The following PDE7B variants were observed in gnomAD, a reference collection of about 807,000 sequenced individuals.
PDE7B encodes phosphodiesterase 7B, also known as 3',5'-cyclic-AMP phosphodiesterase 7B.
In PDE7B, 29 loss-of-function variants were observed where a neutral mutation model predicts 56.2. The ratio of observed to expected loss-of-function variants is 0.52; its 90% CI spans 0.38 to 0.70. The LOEUF (loss-of-function observed/expected upper bound fraction) is 0.70, where lower values mean the gene tolerates loss of function less well. PDE7B is among the 30% of genes least tolerant of loss of function. The pLI is 0.00. For missense variants in PDE7B, 490 were observed against 565.0 expected, an observed-to-expected ratio of 0.87 and a Z score of 1.35; for synonymous variants, 197 against 196.9, an observed-to-expected ratio of 1.00 and a Z score of 0.00.
At chr6:136,100,181 G>A (rs1260804219) in intron 2 of PDE7B, among the ~76,000 whole-genome samples, 1 of 152,174 alleles carries the variant, frequency 6.6e-6, no homozygotes, top group Non-Finnish European at 1.5e-5. Flanking sequence ...CTGTAGCCTT[G>A]TAGTATAGTT....
chr6:136,012,409 G>C (rs1330904867), intron 2 of PDE7B, among the ~76,000 whole-genome samples: 1 of 152,204 alleles, frequency 6.6e-6, no homozygotes, highest in Non-Finnish European at 1.5e-5. Context: ...TCAGCCTAGA[G>C]TTATGGAGCT....
At chr6:135,961,019 A>G (rs1013140967) in intron 2 of PDE7B, among the ~76,000 whole-genome samples, 3 of 152,174 alleles carry the variant, frequency 2.0e-5, no homozygotes, top group African/African-American at 7.2e-5. Context: ...ATTCATTTAC[A>G]TATTGCCTAT....
Position 136,191,718 on chromosome 6 carries a change from G to A in PDE7B, c.1231G>A (p.Ala411Thr). 3 of 1,612,084 alleles carry A rather than the reference G, an allele frequency of 1.9e-6. No homozygotes were observed. In the African/African-American group the frequency reaches 4.0e-5, roughly 21 times the overall value. The change falls in exon 13 of 13, where the codon GCC becomes ACC. Residue 411 changes from alanine (A) to threonine (T), a missense_variant. By Grantham distance (58) the Ala-to-Thr change is moderately conservative. Transcript: ENST00000308191. ...NMLGHLAHNKAQWKSLLPRQH... is the reference protein window; with the variant it reads ...NMLGHLAHNKTQWKSLLPRQH... ...GCTGGGCCACCTCGCACACAACAAG[G>A]CCCAGTGGAAGAGCCTGTTGCCCAG...
chr6:135,999,495 T>A (rs1276306687), intron 2 of PDE7B, among the ~76,000 whole-genome samples: 1 of 152,140 alleles, frequency 6.6e-6, no homozygotes, highest in East Asian at 1.9e-4. Flanking sequence ...CTCCCTCTTA[T>A]AAGTAAGAAC....
chr6:135,955,214 G>T (rs1261390084), intron 2 of PDE7B, among the ~76,000 whole-genome samples: 3 of 151,942 alleles, frequency 2.0e-5, no homozygotes, highest in Non-Finnish European at 4.4e-5. Context: ...GTGACACAGG[G>T]ACGACCACAC....
At chr6:136,044,153 T>C (rs998418502) in intron 2 of PDE7B, 1 of 152,246 alleles carries the variant, frequency 6.6e-6, no homozygotes. Context: ...CTGAGATTAC[T>C]GAAGGAAAAT....
chr6:136,169,233 T>C (rs1255431662), intron 8 of PDE7B, among the ~76,000 whole-genome samples: 1 of 152,166 alleles, frequency 6.6e-6, no homozygotes, highest in Non-Finnish European at 1.5e-5. Context: ...ATGCTGTTCT[T>C]CTTTTCTTAG....
intron 2 of PDE7B, among the ~76,000 whole-genome samples, chr6:136,007,871 T>C (rs1023352389): frequency 6.6e-6 from 1 of 152,078 alleles, no homozygotes; most frequent in Non-Finnish European, 1.5e-5. Context: ...GTAGGGTACA[T>C]GTGCATGACG....
intron 1 of PDE7B, among the ~76,000 whole-genome samples, chr6:135,869,346 C>T (rs1775327959): frequency 6.6e-5 from 10 of 151,964 alleles, no homozygotes; most frequent in Admixed American, 6.6e-4. Context: ...AATTCTGATT[C>T]CTGCTTAAAT....
At chr6:136,154,822 G>A (rs75917181) in intron 7 of PDE7B, among the ~76,000 whole-genome samples, 2,577 of 152,312 alleles carry the variant, frequency 0.017, 21 homozygotes, top group Non-Finnish European at 0.027. Context: ...AAGGTTTCTG[G>A]AAAATTATAT....
At chr6:136,015,916 C>T (rs1186058888) in intron 2 of PDE7B, among the ~76,000 whole-genome samples, 5 of 152,248 alleles carry the variant, frequency 3.3e-5, no homozygotes, top group East Asian at 1.9e-4. Context: ...TCTACGAGAA[C>T]ATCTATGTCA....
chr6:135,941,544 C>T (rs917681806), intron 1 of PDE7B, among the ~76,000 whole-genome samples: 15 of 152,240 alleles, frequency 9.9e-5, no homozygotes, highest in African/African-American at 3.1e-4. Flanking sequence ...GCCTAGTAAA[C>T]TCCCAGCTTG....
At chr6:136,188,062 G>A (rs756826521) in intron 12 of PDE7B, among the ~76,000 whole-genome samples, 2 of 152,118 alleles carry the variant, frequency 1.3e-5, no homozygotes, top group Non-Finnish European at 2.9e-5. Flanking sequence ...GGTAGGGAAG[G>A]GGGTATCTGA....
At chr6:135,935,217 T>TATATATATATATATATATATA (rs1554268029) in intron 1 of PDE7B, among the ~76,000 whole-genome samples, 24 of 91,158 alleles carry the variant, frequency 2.6e-4, no homozygotes, top group African/African-American at 5.9e-4. Context: ...TATATATATA[T>TATATATATATATATATATATA]TTTCATGATT....
chr6:136,147,177 A>G (rs905985678), intron 3 of PDE7B, among the ~76,000 whole-genome samples, 174 bp from the exon 4 acceptor site: 3 of 152,102 alleles, frequency 2.0e-5, no homozygotes, highest in Non-Finnish European at 2.9e-5. Flanking sequence ...AAAAAAACAA[A>G]TATCAGGTAT....
intron 3 of PDE7B, among the ~76,000 whole-genome samples, chr6:136,137,924 AAATG>A (rs1167545156): frequency 6.6e-6 from 1 of 152,138 alleles, no homozygotes; most frequent in Non-Finnish European, 1.5e-5. Context: ...AGTGAAAAGA[AAATG>A]AATTTCACAG....
chr6:136,023,988 T>A (rs931819407), intron 2 of PDE7B, among the ~76,000 whole-genome samples: 2 of 152,088 alleles, frequency 1.3e-5, no homozygotes, highest in African/African-American at 4.8e-5. Flanking sequence ...AGGATTGACT[T>A]ACAGGTGACA....
chr6:136,190,272 C>T (rs1779201055), intron 12 of PDE7B, among the ~76,000 whole-genome samples: 2 of 152,126 alleles, frequency 1.3e-5, no homozygotes, highest in African/African-American at 4.8e-5. Context: ...GACATCAAGT[C>T]ACTGGTTTAA....
At chr6:135,998,579 A>AC (rs1279835519) in intron 2 of PDE7B, among the ~76,000 whole-genome samples, 2 of 151,666 alleles carry the variant, frequency 1.3e-5, no homozygotes, top group African/African-American at 2.4e-5. Context: ...ACACGGTGAA[A>AC]CCCTGTCTCT....
Sources: gnomAD v4.1 joint callset for allele counts (sites outside exome capture counted in the v4.1 genomes callset) on GRCh38, gnomAD v4.1.1 for gene constraint, MANE v1.5 for transcripts, NCBI Gene and HGNC (gene_info 2026-07-23, HGNC 2026-07-21) for gene names.